NFATC3: variants seen among roughly 807,000 people sequenced by gnomAD.
NFATC3 encodes the protein nuclear factor of activated T-cells, cytoplasmic 3.
NFATC3 carries 46 observed loss-of-function variants against 98.6 expected under a neutral mutation model. The observed-to-expected ratio is 0.47, with a 90% confidence interval of 0.37 to 0.60. NFATC3 has a LOEUF of 0.60. Among genes scored for constraint, NFATC3 ranks in the 20% least tolerant of loss-of-function variants. NFATC3 has a pLI of 0.00. For synonymous variants in NFATC3, 512 were observed against 472.2 expected, an observed-to-expected ratio of 1.08 and a Z score of -1.09; for missense variants, 1,256 against 1,295.5, an observed-to-expected ratio of 0.97 and a Z score of 0.47.
chr16:68,104,569 A>G (rs1409478803), intron 1 of NFATC3, among the ~76,000 whole-genome samples: 1 of 151,312 alleles, frequency 6.6e-6, no homozygotes, highest in African/African-American at 2.4e-5. Flanking sequence ...TGGTGAAAGC[A>G]TGCATCCTTA....
At position 68,122,897 on chromosome 16, in the gene NFATC3, C is replaced by T. The variant is rs543585887; in HGVS notation, c.1014C>T (p.Leu338=). The change falls in exon 2 of 10, where the codon CTC becomes CTT. Residue 338 remains leucine, a synonymous_variant. Transcript: ENST00000346183. ...FQYCVETDIP[L]KTRKTSEDQA... ...ACTGTGTAGAGACTGACATCCCTCTCAAAACAAGGAAAACTTCTGAAGATC... is the reference window on the plus strand; with the variant it reads ...ACTGTGTAGAGACTGACATCCCTCTTAAAACAAGGAAAACTTCTGAAGATC... 1 of 1,614,146 alleles carries T rather than the reference C, an allele frequency of 6.2e-7. No homozygotes were observed. Among genetic ancestry groups the T allele is most frequent in the Admixed American group, 1.7e-5 (1 of 60,022 alleles).
chr16:68,223,284 C>T (rs1261808141), intron 9 of NFATC3, among the ~76,000 whole-genome samples: 1 of 152,142 alleles, frequency 6.6e-6, no homozygotes, highest in Non-Finnish European at 1.5e-5. Flanking sequence ...GCCTGTAATC[C>T]CAGCACTGTG....
At chr16:68,116,708 A>G (rs1257198557) in intron 1 of NFATC3, among the ~76,000 whole-genome samples, 3 of 152,160 alleles carry the variant, frequency 2.0e-5, no homozygotes, top group African/African-American at 7.2e-5. Context: ...ATTTGGGAGA[A>G]GGGTGTGGTT....
chr16:68,094,795 C>T (rs2034918828), intron 1 of NFATC3, among the ~76,000 whole-genome samples: 1 of 152,276 alleles, frequency 6.6e-6, no homozygotes, highest in Admixed American at 6.5e-5. Context: ...TAAATATATG[C>T]AAAATAGTTA....
intron 9 of NFATC3, among the ~76,000 whole-genome samples, chr16:68,211,613 C>G (rs2041400305): frequency 1.3e-5 from 2 of 151,940 alleles, no homozygotes; most frequent in South Asian, 4.2e-4. Context: ...ACTTCCGCCT[C>G]CCAGGTTCAA....
intron 1 of NFATC3, among the ~76,000 whole-genome samples, chr16:68,120,165 C>T (rs544492200): frequency 2.7e-5 from 4 of 150,018 alleles, no homozygotes; most frequent in Admixed American, 6.7e-5. Flanking sequence ...CCTGTGGTCT[C>T]GGCTACTTGA....
chr16:68,135,078 C>G (rs2037318984), intron 3 of NFATC3, among the ~76,000 whole-genome samples: 1 of 151,736 alleles, frequency 6.6e-6, no homozygotes, highest in African/African-American at 2.4e-5. Flanking sequence ...TTTTACACAT[C>G]CACGATATCT....
chr16:68,194,981 C>T (rs934065510), intron 9 of NFATC3, among the ~76,000 whole-genome samples: 4 of 151,738 alleles, frequency 2.6e-5, no homozygotes, highest in Admixed American at 1.3e-4. Flanking sequence ...AGCCAGGTGC[C>T]GTGGCTCATG....
chr16:68,119,792 T>C (rs1302360335), intron 1 of NFATC3, among the ~76,000 whole-genome samples: 1 of 152,146 alleles, frequency 6.6e-6, no homozygotes, highest in Non-Finnish European at 1.5e-5. Context: ...GTAAGCTCCA[T>C]GAGGAGGGGA....
chr16:68,152,294 G>T (rs940043429), intron 3 of NFATC3, among the ~76,000 whole-genome samples: 1 of 148,194 alleles, frequency 6.7e-6, no homozygotes, highest in Non-Finnish European at 1.5e-5. Context: ...CAGGAGAATC[G>T]CTTGAACTGG....
intron 9 of NFATC3, among the ~76,000 whole-genome samples, chr16:68,194,503 CAG>C (rs1332879835): frequency 6.6e-6 from 1 of 152,190 alleles, no homozygotes; most frequent in Admixed American, 6.5e-5. Flanking sequence ...TTATGCAAAA[CAG>C]ATTTGAAATA....
At chr16:68,152,677 G>C (rs2151565112) in intron 3 of NFATC3, among the ~76,000 whole-genome samples, 1 of 152,188 alleles carries the variant, frequency 6.6e-6, no homozygotes, top group South Asian at 2.1e-4. Context: ...CTTCACGTCT[G>C]GCTCTACCTG....
At chr16:68,204,574 AT>A (rs748429222) in intron 9 of NFATC3, among the ~76,000 whole-genome samples, 1 of 152,226 alleles carries the variant, frequency 6.6e-6, no homozygotes, top group South Asian at 2.1e-4. Flanking sequence ...TGGGGCAGAC[AT>A]TTGAATCCAG....
intron 1 of NFATC3, among the ~76,000 whole-genome samples, chr16:68,109,037 C>T (rs775963773): frequency 6.6e-6 from 1 of 152,154 alleles, no homozygotes; most frequent in Non-Finnish European, 1.5e-5. Context: ...ATTTGACTCC[C>T]TCTCTTCCTA....
intron 9 of NFATC3, among the ~76,000 whole-genome samples, chr16:68,214,055 T>C (rs2041531407): frequency 6.6e-6 from 1 of 152,208 alleles, no homozygotes; most frequent in Non-Finnish European, 1.5e-5. Context: ...AAAGCTGAAT[T>C]TATCCCTTAA....
At chr16:68,114,462 A>G (rs528620345) in intron 1 of NFATC3, among the ~76,000 whole-genome samples, 8 of 152,024 alleles carry the variant, frequency 5.3e-5, no homozygotes, top group Admixed American at 1.3e-4. Flanking sequence ...CTTTCACACT[A>G]TTCATGGAGG....
chr16:68,211,891 C>T (rs1348221323), intron 9 of NFATC3, among the ~76,000 whole-genome samples: 2 of 152,144 alleles, frequency 1.3e-5, no homozygotes, highest in African/African-American at 4.8e-5. Context: ...TTGGAGCTCA[C>T]GAAAGTGCTT....
intron 3 of NFATC3, among the ~76,000 whole-genome samples, chr16:68,131,346 T>C (rs2037103495): frequency 6.6e-6 from 1 of 152,172 alleles, no homozygotes; most frequent in Non-Finnish European, 1.5e-5. Context: ...GGTGTGATAT[T>C]GGCTCACTGC....
intron 3 of NFATC3, among the ~76,000 whole-genome samples, chr16:68,143,140 T>A (rs2037844107): frequency 1.3e-5 from 2 of 149,792 alleles, no homozygotes; most frequent in Non-Finnish European, 3.0e-5. Context: ...TTGGGAGGAT[T>A]GCTTGAGCCC....
Sources: gnomAD v4.1 joint callset for allele counts (sites outside exome capture counted in the v4.1 genomes callset) on GRCh38, gnomAD v4.1.1 for gene constraint, MANE v1.5 for transcripts, NCBI Gene and HGNC (gene_info 2026-07-23, HGNC 2026-07-21) for gene names.